DLG2: variants seen among roughly 807,000 people sequenced by gnomAD.
DLG2 encodes the protein disks large homolog 2.
A neutral mutation model predicts 132.5 loss-of-function variants in DLG2; 45 were observed. The observed-to-expected ratio is 0.34, with a 90% CI of 0.27 to 0.44. The LOEUF (loss-of-function observed/expected upper bound fraction) is 0.44. DLG2 is among the 20% of genes least tolerant of loss of function. DLG2 has a pLI of 1.00. For synonymous variants in DLG2, 424 were observed against 419.6 expected (o/e 1.01, Z -0.13); for missense variants, 1,045 against 1,196.9 (o/e 0.87, Z 1.87).
At chr11:84,307,935 T>G (rs529916406) in intron 7 of DLG2, among the ~76,000 whole-genome samples, 1 of 152,158 alleles carries the variant, frequency 6.6e-6, no homozygotes, top group African/African-American at 2.4e-5. Flanking sequence ...ATTCGTAGTC[T>G]TCCTGGCTTC....
At chr11:84,695,405 C>T (rs1259130916) in intron 6 of DLG2, among the ~76,000 whole-genome samples, 1 of 151,594 alleles carries the variant, frequency 6.6e-6, no homozygotes, top group Non-Finnish European at 1.5e-5. Context: ...TAATCCTAAA[C>T]ACTCAACTTT....
intron 6 of DLG2, among the ~76,000 whole-genome samples, chr11:85,047,303 T>C (rs1005791836): frequency 1.3e-5 from 2 of 151,948 alleles, no homozygotes; most frequent in African/African-American, 4.8e-5. Context: ...GGGCAAATCA[T>C]TACCATAATA....
intron 21 of DLG2, among the ~76,000 whole-genome samples, chr11:83,512,614 G>T (rs2095090636): frequency 6.6e-6 from 1 of 151,994 alleles, no homozygotes; most frequent in African/African-American, 2.4e-5. Context: ...CATGTGCCTT[G>T]TTGGTGTGCT....
chr11:85,370,287 T>G (rs191304615), intron 3 of DLG2, among the ~76,000 whole-genome samples: 24 of 152,332 alleles, frequency 1.6e-4, no homozygotes, highest in African/African-American at 5.1e-4. Flanking sequence ...TAAAATGTGT[T>G]TTTTAGTAAA....
At chr11:85,589,853 T>G (rs2079199897) in intron 3 of DLG2, among the ~76,000 whole-genome samples, 1 of 152,036 alleles carries the variant, frequency 6.6e-6, no homozygotes, top group Non-Finnish European at 1.5e-5. Flanking sequence ...CTCTCCTTTC[T>G]GCCGCAGTTC....
chr11:83,475,924 A>G (rs2092578256), intron 22 of DLG2, among the ~76,000 whole-genome samples: 1 of 152,090 alleles, frequency 6.6e-6, no homozygotes, highest in South Asian at 2.1e-4. Context: ...GGAGAGCAGC[A>G]CAGAGCTGTG....
intron 3 of DLG2, among the ~76,000 whole-genome samples, chr11:85,472,030 G>A (rs182182919): frequency 1.1e-4 from 16 of 152,206 alleles, no homozygotes; most frequent in Admixed American, 2.6e-4. Flanking sequence ...GACAAGGGTG[G>A]GTCCCTGGTG....
intron 3 of DLG2, among the ~76,000 whole-genome samples, chr11:85,573,504 G>C (rs1164816243): frequency 6.6e-6 from 1 of 152,140 alleles, no homozygotes; most frequent in African/African-American, 2.4e-5. Flanking sequence ...ATGAGTCAGA[G>C]TCCAGTAGTG....
At chr11:84,626,822 G>A (rs1379358466) in intron 6 of DLG2, among the ~76,000 whole-genome samples, 1 of 132,158 alleles carries the variant, frequency 7.6e-6, no homozygotes, top group Non-Finnish European at 1.7e-5. Flanking sequence ...TGCTCTTTTT[G>A]GAAGCCAAGT....
chr11:84,051,734 T>C lies in DLG2; in HGVS notation c.919+7581A>G, dbSNP rs1292436594. 2.0e-5 allele frequency among the ~76,000 whole-genome samples: 3 copies of C among 151,050 alleles called. No homozygotes were observed. The East Asian group carries it at 5.9e-4, about 30-fold the overall frequency. The stretch of plus-strand genomic sequence containing the variant: ...CACATGTATACATATGTAACTAACC[T>C]GCACGTTGTGCACATGTACCCTAAA... On this transcript the variant is annotated intron_variant, in intron 11 of 27. Coordinates refer to ENST00000376104, the MANE Select transcript of DLG2 (RefSeq NM_001142699.3).
chr11:84,801,131 G>C (rs1014477873), intron 6 of DLG2, among the ~76,000 whole-genome samples: 1 of 152,102 alleles, frequency 6.6e-6, no homozygotes, highest in African/African-American at 2.4e-5. Flanking sequence ...AATTGGCTTT[G>C]TGATATTAAT....
chr11:84,265,810 T>A (rs892662340), intron 7 of DLG2, among the ~76,000 whole-genome samples: 8 of 152,098 alleles, frequency 5.3e-5, no homozygotes, highest in African/African-American at 1.9e-4. Context: ...CTCCTAAGCA[T>A]CTTCTCGCTA....
intron 6 of DLG2, among the ~76,000 whole-genome samples, chr11:84,911,122 CAT>C (rs1331955638): frequency 1.2e-4 from 19 of 152,216 alleles, no homozygotes; most frequent in African/African-American, 3.1e-4. Flanking sequence ...AGTAATCCCA[CAT>C]GTTATATTGT....
At chr11:85,065,420 T>C (rs2154162320) in intron 6 of DLG2, among the ~76,000 whole-genome samples, 1 of 151,698 alleles carries the variant, frequency 6.6e-6, no homozygotes, top group South Asian at 2.1e-4. Context: ...AGAGTCTTCA[T>C]CATTTCACAG....
At chr11:83,607,273 A>C (rs961374505) in intron 19 of DLG2, among the ~76,000 whole-genome samples, 8 of 152,372 alleles carry the variant, frequency 5.3e-5, no homozygotes, top group African/African-American at 1.7e-4. Context: ...CACGATGTAC[A>C]GAGAAACCTT....
At chr11:85,409,402 G>A (rs1158157793) in intron 3 of DLG2, among the ~76,000 whole-genome samples, 1 of 151,792 alleles carries the variant, frequency 6.6e-6, no homozygotes, top group Non-Finnish European at 1.5e-5. Flanking sequence ...CTCCCTAAAA[G>A]GGGAATATAA....
intron 6 of DLG2, among the ~76,000 whole-genome samples, chr11:84,620,617 A>G (rs964972370): frequency 3.9e-5 from 6 of 152,122 alleles, no homozygotes; most frequent in Non-Finnish European, 8.8e-5. Flanking sequence ...CTGAATAAAG[A>G]TATTTTTAAA....
intron 3 of DLG2, among the ~76,000 whole-genome samples, chr11:85,357,242 G>T (rs1235116487): frequency 9.9e-6 from 1 of 100,662 alleles, no homozygotes; most frequent in Admixed American, 1.0e-4. Flanking sequence ...TCCTCTTTGT[G>T]TGTGTGTGTG....
chr11:84,373,179 G>T (rs774373549), intron 7 of DLG2, among the ~76,000 whole-genome samples: 1 of 139,666 alleles, frequency 7.2e-6, no homozygotes, highest in Non-Finnish European at 1.5e-5. Flanking sequence ...AACTCCAGAC[G>T]ACTATCTGGA....
Sources: gnomAD v4.1 joint callset for allele counts (sites outside exome capture counted in the v4.1 genomes callset) on GRCh38, gnomAD v4.1.1 for gene constraint, MANE v1.5 for transcripts, NCBI Gene and HGNC (gene_info 2026-07-23, HGNC 2026-07-21) for gene names.